The following LRMDA variants were observed in gnomAD, a reference collection of about 807,000 sequenced individuals.
The protein encoded by LRMDA is leucine rich melanocyte differentiation associated, also known as leucine-rich melanocyte differentiation-associated protein.
In LRMDA, 18 loss-of-function variants were observed where a neutral mutation model predicts 29.8. That is an observed-to-expected ratio of 0.60 (90% confidence interval 0.42 to 0.90). LRMDA has a LOEUF of 0.90. LRMDA is among the 40% of genes least tolerant of loss of function. The pLI is 0.00. For missense variants in LRMDA, 273 were observed against 273.9 expected (o/e 1.00, Z 0.02); for synonymous variants, 125 against 109.4 (o/e 1.14, Z -0.89).
At chr10:76,480,328 C>A (rs1842722409) in intron 6 of LRMDA, among the ~76,000 whole-genome samples, 2 of 151,724 alleles carry the variant, frequency 1.3e-5, no homozygotes, top group African/African-American at 4.8e-5. Context: ...CATGTTGCAC[C>A]AAAATTTATT....
intron 2 of LRMDA, among the ~76,000 whole-genome samples, chr10:75,604,457 A>C (rs906620456): frequency 1.3e-5 from 2 of 152,192 alleles, no homozygotes; most frequent in Non-Finnish European, 2.9e-5. Context: ...TCTTCCAGTT[A>C]TTCCTTACTA....
intron 2 of LRMDA, among the ~76,000 whole-genome samples, chr10:75,727,961 TAAAGGGAA>T (rs762846084): frequency 5.9e-5 from 9 of 152,044 alleles, no homozygotes; most frequent in Admixed American, 2.0e-4. Flanking sequence ...TTCCCCTTAA[TAAAGGGAA>T]AAAGGGAAAG....
At chr10:76,544,636 A>G (rs1284408400) in intron 6 of LRMDA, among the ~76,000 whole-genome samples, 3 of 152,052 alleles carry the variant, frequency 2.0e-5, no homozygotes, top group Non-Finnish European at 4.4e-5. Flanking sequence ...CCTGCTTTCT[A>G]CTATTAATTC....
chr10:75,753,928 T>C (rs986071456), intron 2 of LRMDA, among the ~76,000 whole-genome samples: 4 of 152,190 alleles, frequency 2.6e-5, no homozygotes, highest in African/African-American at 9.7e-5. Context: ...TTAAGATAGC[T>C]TAGCATTTGC....
At chr10:75,477,748 T>C (rs1476217540) in intron 2 of LRMDA, among the ~76,000 whole-genome samples, 1 of 152,218 alleles carries the variant, frequency 6.6e-6, no homozygotes, top group Non-Finnish European at 1.5e-5. Context: ...AGCAGTCCCC[T>C]TGGGCTAAGC....
intron 2 of LRMDA, among the ~76,000 whole-genome samples, chr10:75,754,289 G>A (rs1240757010): frequency 6.6e-6 from 1 of 152,188 alleles, no homozygotes; most frequent in African/African-American, 2.4e-5. Flanking sequence ...CTTCTGTTAT[G>A]GGAATTGATG....
intron 6 of LRMDA, among the ~76,000 whole-genome samples, chr10:76,384,027 C>T (rs750878112): frequency 1.3e-5 from 2 of 151,998 alleles, no homozygotes; most frequent in Non-Finnish European, 2.9e-5. Context: ...CCTTTCCATC[C>T]CACTTCTACC....
At chr10:75,843,111 AT>A (rs1442280548) in intron 2 of LRMDA, among the ~76,000 whole-genome samples, 2 of 152,236 alleles carry the variant, frequency 1.3e-5, no homozygotes, top group African/African-American at 2.4e-5. Context: ...TGTCTCATTC[AT>A]TTTTGTTTCC....
chr10:75,752,069 A>G (rs548453449), intron 2 of LRMDA, among the ~76,000 whole-genome samples: 38 of 151,436 alleles, frequency 2.5e-4, no homozygotes, highest in Non-Finnish European at 4.4e-4. Flanking sequence ...ATTGGGACTG[A>G]GGCTCAGAGT....
At chr10:75,489,157 T>C (rs1258110178) in intron 2 of LRMDA, among the ~76,000 whole-genome samples, 1 of 149,784 alleles carries the variant, frequency 6.7e-6, no homozygotes. Context: ...AGTAAAGAGT[T>C]AGGACATCTC....
At chr10:76,318,709 ATCTG>A (rs1308078099) in intron 5 of LRMDA, 2 of 152,030 alleles carry the variant, frequency 1.3e-5, no homozygotes, top group Non-Finnish European at 2.9e-5. Flanking sequence ...TCCCAACTTA[ATCTG>A]TCTGTCAGTG....
intron 2 of LRMDA, among the ~76,000 whole-genome samples, chr10:75,563,773 G>T (rs1215797542): frequency 1.3e-5 from 2 of 152,256 alleles, no homozygotes; most frequent in East Asian, 1.9e-4. Flanking sequence ...CTGCAGGTCT[G>T]TTGGAGTTTG....
intron 5 of LRMDA, among the ~76,000 whole-genome samples, chr10:76,120,750 A>G (rs762607501): frequency 6.6e-6 from 1 of 152,072 alleles, no homozygotes; most frequent in Non-Finnish European, 1.5e-5. Flanking sequence ...CAAGACCAAT[A>G]GCTTTATGTG....
intron 5 of LRMDA, among the ~76,000 whole-genome samples, chr10:76,211,593 G>A (rs1302270711): frequency 1.3e-5 from 2 of 152,200 alleles, no homozygotes; most frequent in Admixed American, 6.5e-5. Flanking sequence ...AGTTTGCTGA[G>A]CTGAAACCAA....
At chr10:75,453,355 GA>G in intron 2 of LRMDA, among the ~76,000 whole-genome samples, 1 of 152,296 alleles carries the variant, frequency 6.6e-6, no homozygotes, top group Non-Finnish European at 1.5e-5. Flanking sequence ...CATGAGTGGG[GA>G]AAAACATAGG....
chr10:75,884,272 T>G (rs143434435), intron 2 of LRMDA, among the ~76,000 whole-genome samples: 21 of 145,438 alleles, frequency 1.4e-4, no homozygotes, highest in South Asian at 1.1e-3. Flanking sequence ...TGTGTGTGTG[T>G]GTGTGTGTGT....
At chr10:75,525,830 C>T (rs192292892) in intron 2 of LRMDA, among the ~76,000 whole-genome samples, 10 of 151,366 alleles carry the variant, frequency 6.6e-5, no homozygotes, top group South Asian at 2.1e-4. Flanking sequence ...TAAAGCCTTT[C>T]GTAATATCCA....
intron 2 of LRMDA, among the ~76,000 whole-genome samples, chr10:75,685,203 A>G (rs948923037): frequency 6.6e-6 from 1 of 152,152 alleles, no homozygotes; most frequent in African/African-American, 2.4e-5. Flanking sequence ...ACCAACAAAT[A>G]GAAAGGTACT....
intron 3 of LRMDA, among the ~76,000 whole-genome samples, chr10:76,041,800 GA>G (rs575395742): frequency 5.9e-5 from 9 of 152,034 alleles, no homozygotes; most frequent in South Asian, 2.1e-4. Flanking sequence ...AGACAACACT[GA>G]AAAAAAATCT....
Sources: gnomAD v4.1 joint callset for allele counts (sites outside exome capture counted in the v4.1 genomes callset) on GRCh38, gnomAD v4.1.1 for gene constraint, MANE v1.5 for transcripts, NCBI Gene and HGNC (gene_info 2026-07-23, HGNC 2026-07-21) for gene names.